TDP1: variants seen among roughly 807,000 people sequenced by gnomAD.
TDP1 encodes the protein tyr-DNA phosphodiesterase 1.
Under a neutral mutation model 81.5 loss-of-function variants are expected in TDP1, and 64 were observed. The observed-to-expected ratio is 0.79, with a 90% CI of 0.64 to 0.97. TDP1 has a LOEUF of 0.97. Ranked by LOEUF, TDP1 falls within the 50% of genes least tolerant of loss-of-function variation. The pLI, the probability that TDP1 is intolerant of heterozygous loss-of-function variation, is 0.00. For synonymous variants in TDP1, 256 were observed against 264.3 expected (o/e 0.97, Z 0.30); for missense variants, 723 against 743.8 (o/e 0.97, Z 0.33).
intron 14 of TDP1, among the ~76,000 whole-genome samples, chr14:90,002,101 A>G (rs1897239423): frequency 6.6e-6 from 1 of 152,194 alleles, no homozygotes; most frequent in African/African-American, 2.4e-5. Flanking sequence ...AATAAATGGT[A>G]TATAAAGAAG....
chr14:89,993,031 T>C lies in TDP1; in HGVS notation c.1434-345T>C, dbSNP rs74922981. The C allele has an allele frequency of 1.7e-3, 1,574 of 899,916 alleles. 18 individuals carry two copies. The African/African-American group carries it at 0.022, about 13-fold the overall frequency. 55.7% of individuals were successfully genotyped at this position (899,916 alleles called of 1,614,324 possible). A position where few individuals can be genotyped will look rare whatever the true frequency, so the allele number is the denominator to read the frequency against. On this transcript the variant is annotated intron_variant, in intron 13 of 16. Transcript: ENST00000335725. ...CTCATAACACACCGTGGAAGCATGA[T>C]TCTTCCCTTTAAGGAGCTCACAGTT...
chr14:90,012,665 A>G (rs987026357), intron 14 of TDP1, among the ~76,000 whole-genome samples: 1 of 151,874 alleles, frequency 6.6e-6, no homozygotes, highest in African/African-American at 2.4e-5. Context: ...CAGAAGAGAA[A>G]TATGGGGTAG....
Position 89,984,694 on chromosome 14 carries a change from G to C in TDP1, c.1052+11G>C. The C allele has an allele frequency of 6.2e-7, 1 of 1,613,298 alleles. No individual in the cohort carries two copies. Among genetic ancestry groups the C allele is most frequent in the Middle Eastern group, 1.6e-4 (1 of 6,062 alleles). On this transcript the variant is annotated intron_variant, in intron 9 of 16. Transcript: ENST00000335725. ...TCTCTCTGAAACAAAGTATGTGTCA[G>C]CTTATCAATTTGGGGTGCTTATGAT...
In TDP1 at chr14:90,031,592, G is replaced by T. The variant is rs2140316403; in HGVS notation, c.1645-1514G>T. ...GAACTGCTTGAACCCGGGTGGCAGA[G>T]GCTGCAGTGAGCCGAGATCACACCA... On this transcript the variant is annotated intron_variant, in intron 15 of 16. Transcript: ENST00000335725. Among the ~76,000 whole-genome samples, 3 of 151,166 alleles carry T rather than the reference G, an allele frequency of 2.0e-5. No homozygotes were observed. The Middle Eastern group carries it at 0.01, about 521-fold the overall frequency.
intron 15 of TDP1, chr14:90,032,773 AC>A: frequency 1.0e-6 from 1 of 985,034 alleles, no homozygotes; most frequent in South Asian, 4.7e-5. Context: ...AGTGAGTTCT[AC>A]AAACTCCCTG....
chr14:89,959,148 T>G (rs182132290), intron 2 of TDP1, among the ~76,000 whole-genome samples: 1 of 152,352 alleles, frequency 6.6e-6, no homozygotes, highest in Non-Finnish European at 1.5e-5. Context: ...CCGTTCTGAT[T>G]GAGTGCCAGG....
At chr14:90,039,281 C>T (rs908402701) in intron 16 of TDP1, among the ~76,000 whole-genome samples, 1 of 152,078 alleles carries the variant, frequency 6.6e-6, no homozygotes, top group Non-Finnish European at 1.5e-5. Flanking sequence ...CAGTGCAAAA[C>T]ACTTTGGAGC....
intron 11 of TDP1, 184 bp downstream of exon 11, chr14:89,989,274 T>C (rs1238963977): frequency 4.1e-6 from 4 of 982,630 alleles, no homozygotes; most frequent in Non-Finnish European, 2.4e-6. Flanking sequence ...TCAAGTTGCC[T>C]TTGCCTTAAT....
intron 15 of TDP1, chr14:90,022,679 G>A: frequency 1.2e-6 from 1 of 862,660 alleles, no homozygotes; most frequent in Non-Finnish European, 1.4e-6. Flanking sequence ...TGATATAGGA[G>A]ACTTTATCTT....
At chr14:90,026,292 G>A (rs1886640785) in intron 15 of TDP1, among the ~76,000 whole-genome samples, 1 of 152,180 alleles carries the variant, frequency 6.6e-6, no homozygotes, top group East Asian at 1.9e-4. Context: ...ATCTGTTATG[G>A]GTCCCCAGGG....
intron 10 of TDP1, among the ~76,000 whole-genome samples, chr14:89,987,738 TA>T (rs1276370817): frequency 1.3e-5 from 2 of 152,174 alleles, no homozygotes; most frequent in African/African-American, 4.8e-5. Flanking sequence ...CTGGAGCTTC[TA>T]AGCACATAGA....
Position 89,960,659 on chromosome 14 carries a change from T to C in TDP1, c.-7-2449T>C, listed in dbSNP as rs199643998. ...AGTCAATAAGGCTTTGGCTGTGAGA[T>C]AGTGTGTTCATGCTGGGTAGGGTAA... On this transcript the variant is annotated intron_variant, in intron 2 of 16. Transcript: ENST00000335725. Among the ~76,000 whole-genome samples, 26 of 152,288 alleles carry C rather than the reference T, an allele frequency of 1.7e-4. No individual in the cohort carries two copies. In the East Asian group the frequency reaches 4.2e-3, roughly 25 times the overall value.
At position 89,963,537 on chromosome 14, in the gene TDP1, G is replaced by A. The variant is rs766818005; in HGVS notation, c.423G>A (p.Glu141=). The change falls in exon 3 of 17, where the codon GAG becomes GAA. Residue 141 remains glutamate, a synonymous_variant. Transcript: ENST00000335725. ...CCGCCTGCCACAGGCTCAAAGAGGA[G>A]GAAGACGAGTATGAGACATCAGGGG... ...GAPACHRLKE[E]EDEYETSGEG... is the part of the protein sequence containing the mutation. The A allele has an allele frequency of 1.2e-6, 2 of 1,607,952 alleles. No individual in the cohort carries two copies. The highest frequency in any genetic ancestry group is 1.7e-6 in the Non-Finnish European group (2 of 1,176,680).
chr14:89,994,641 C>G (rs545651877), intron 14 of TDP1, among the ~76,000 whole-genome samples: 1 of 152,216 alleles, frequency 6.6e-6, no homozygotes, highest in South Asian at 2.1e-4. Flanking sequence ...CCAGGAAGCA[C>G]GAGCCCTGCC....
At position 89,985,133 on chromosome 14, in the gene TDP1, G is replaced by A; in HGVS notation, c.1054G>A (p.Val352Ile). ...IHKHDLSETN[V>I]YLIGSTPGRF... ...ACTTGTGTTTTTATGTCTTTTTAGT[G>A]TTTATCTTATTGGTTCAACCCCAGG... The change falls in exon 10 of 17, where the codon GTT becomes ATT. Residue 352 changes from valine (V) to isoleucine (I), a missense_variant and splice_region_variant. By Grantham distance (29) the Val-to-Ile change is conservative (BLOSUM62 3). Coordinates refer to ENST00000335725, the MANE Select transcript of TDP1 (RefSeq NM_018319.4). 1 of 1,608,294 alleles carries A rather than the reference G, an allele frequency of 6.2e-7. No homozygotes were observed. Among genetic ancestry groups the A allele is most frequent in the Non-Finnish European group, 8.5e-7 (1 of 1,176,192 alleles).
At chr14:89,959,852 TTC>T (rs1364030302) in intron 2 of TDP1, among the ~76,000 whole-genome samples, 1 of 152,190 alleles carries the variant, frequency 6.6e-6, no homozygotes, top group Non-Finnish European at 1.5e-5. Flanking sequence ...TAGCACAGAA[TTC>T]TCAGTGTTTG....
intron 9 of TDP1, 52 bp downstream of exon 9, chr14:89,984,735 G>T: frequency 6.2e-7 from 1 of 1,606,936 alleles, no homozygotes; most frequent in Non-Finnish European, 8.5e-7. Flanking sequence ...TATACCTTGG[G>T]AGCCTCATGA....
rs568475638 is a variant in TDP1, at chr14:90,028,059, C to T, written c.1645-5047C>T. 5.9e-5 allele frequency among the ~76,000 whole-genome samples: 9 copies of T among 152,340 alleles called. No individual in the cohort carries two copies. The South Asian group carries it at 1.7e-3, about 28-fold the overall frequency. ...CTGCATTCCCCCAGCCCCACACAAA[C>T]AGCCCTTTGCTTATCAAAAACCCAT... On this transcript the variant is annotated intron_variant, in intron 15 of 16. Coordinates refer to ENST00000335725, the MANE Select transcript of TDP1 (RefSeq NM_018319.4).
At chr14:90,017,044 A>G (rs1037384004) in intron 14 of TDP1, among the ~76,000 whole-genome samples, 1 of 152,228 alleles carries the variant, frequency 6.6e-6, no homozygotes, top group Admixed American at 6.5e-5. Context: ...GGGGAACAAA[A>G]TGGTGAAAAC....
Sources: gnomAD v4.1 joint callset for allele counts (sites outside exome capture counted in the v4.1 genomes callset) on GRCh38, gnomAD v4.1.1 for gene constraint, MANE v1.5 for transcripts, NCBI Gene and HGNC (gene_info 2026-07-23, HGNC 2026-07-21) for gene names.